Variants in TRIM37 observed in about 807,000 individuals in gnomAD.
The protein encoded by TRIM37 is E3 ubiquitin-protein ligase TRIM37.
A neutral mutation model predicts 129.8 loss-of-function variants in TRIM37; 80 were observed. The ratio of observed to expected loss-of-function variants is 0.62; its 90% CI spans 0.51 to 0.74. TRIM37 has a LOEUF of 0.74. Among genes scored for constraint, TRIM37 ranks in the 30% least tolerant of loss-of-function variants. The pLI, the probability that TRIM37 is intolerant of heterozygous loss-of-function variation, is 0.00. For synonymous variants in TRIM37, 389 were observed against 387.1 expected (o/e 1.00, Z -0.06); for missense variants, 1,054 against 1,176.5 (o/e 0.90, Z 1.52).
In TRIM37 at chr17:59,051,341, G is replaced by A; in HGVS notation, c.1200-13C>T. The A allele has an allele frequency of 6.4e-7, 1 of 1,563,522 alleles. No homozygotes were observed. Among genetic ancestry groups the A allele is most frequent in the Non-Finnish European group, 8.8e-7 (1 of 1,134,354 alleles). ...ACGTACCTGAAACCTTAAAAGAATT[G>A]TGCCACATTAAAAAAAAAATTCAAA... On this transcript the variant is annotated splice_polypyrimidine_tract_variant and intron_variant, in intron 13 of 23. Coordinates refer to ENST00000262294, the MANE Select transcript of TRIM37 (RefSeq NM_015294.6).
chr17:58,967,415 C>A, the TRIM37 span, among the ~76,000 whole-genome samples: 1 of 150,950 alleles, frequency 6.6e-6, no homozygotes, highest in Non-Finnish European at 1.5e-5. Context: ...AATCTTAGTG[C>A]GATGAGGAAA....
chr17:59,035,451 C>T (rs1599039902), intron 17 of TRIM37, among the ~76,000 whole-genome samples: 1 of 151,934 alleles, frequency 6.6e-6, no homozygotes, highest in Admixed American at 6.6e-5. Context: ...TAGCTTTTGG[C>T]TATTAAGAAT....
chr17:59,015,290 A>T (rs1335436523), intron 21 of TRIM37, among the ~76,000 whole-genome samples: 2 of 144,616 alleles, frequency 1.4e-5, no homozygotes, highest in African/African-American at 5.1e-5. Flanking sequence ...AAATACAAAA[A>T]TTAGCAGGGT....
At position 59,049,208 on chromosome 17, in the gene TRIM37, A is replaced by G. The variant is rs746551291; in HGVS notation, c.1500T>C (p.Asp500=). The G allele has an allele frequency of 1.2e-6, 2 of 1,614,042 alleles. No individual in the cohort carries two copies. The stretch of plus-strand genomic sequence containing the variant: ...AATCTTCATTCTGAATCTTCTCCTC[A>G]TCTTCTTCATCCTCTTTGGCCTCTC... The part of the protein sequence containing the change: ...SVREAKEDEE[D]EEKIQNEDYH... The change falls in exon 15 of 24, where the codon GAT becomes GAC. Residue 500 remains aspartate, a synonymous_variant. Coordinates refer to ENST00000262294, the MANE Select transcript of TRIM37 (RefSeq NM_015294.6).
intron 22 of TRIM37, among the ~76,000 whole-genome samples, chr17:59,009,538 C>T (rs1177500488): frequency 1.1e-4 from 16 of 150,438 alleles, no homozygotes; most frequent in African/African-American, 3.2e-4. Context: ...CTCCGCCTCC[C>T]GGGTTCAAGC....
Position 58,998,546 on chromosome 17 carries a change from G to C in TRIM37, c.*831C>G, listed in dbSNP as rs1425372982. The C allele has an allele frequency of 1.0e-6, 1 of 985,188 alleles. No homozygotes were observed. Among genetic ancestry groups the C allele is most frequent in the Non-Finnish European group, 1.2e-6 (1 of 829,880 alleles). 61.0% of individuals were successfully genotyped at this position (985,188 alleles called of 1,614,324 possible). A position where few individuals can be genotyped will look rare whatever the true frequency, so the allele number is the denominator to read the frequency against. ...ATGTAAGCCACTGTGCAACATGAAT[G>C]AATCTTTAAATGTGTTGACACTGAA... On this transcript the variant is annotated 3_prime_UTR_variant, in exon 24 of 24. Coordinates refer to ENST00000262294, the MANE Select transcript of TRIM37 (RefSeq NM_015294.6).
chr17:59,042,374 CAAA>C (rs1409397122), intron 16 of TRIM37, among the ~76,000 whole-genome samples: 1 of 49,922 alleles, frequency 2.0e-5, no homozygotes, highest in African/African-American at 7.6e-5. Flanking sequence ...GACTCCATCT[CAAA>C]AAAAAAAAAA....
Position 59,026,820 on chromosome 17 carries a change from C to CA in TRIM37, c.2257+1594dup, listed in dbSNP as rs1221050886. Among the ~76,000 whole-genome samples, 3 of 152,242 alleles carry CA rather than the reference C, an allele frequency of 2.0e-5. No individual in the cohort carries two copies. The South Asian group carries it at 6.2e-4, about 31-fold the overall frequency. ...AAGGCCACTTGGCCTCTTGCCTTGA[C>CA]ACTTCTCAGTGATACTTAACACACT... On this transcript the variant is annotated intron_variant, in intron 19 of 23. Transcript: ENST00000262294.
intron 1 of TRIM37, 134 bp downstream of exon 1, chr17:59,106,307 G>T: frequency 9.5e-7 from 1 of 1,053,836 alleles, no homozygotes; most frequent in Non-Finnish European, 1.4e-6. Flanking sequence ...TTGGTACCGG[G>T]CCAGCCCTCT....
intron 14 of TRIM37, 69 bp downstream of exon 14, chr17:59,051,144 AT>A: frequency 1.0e-6 from 1 of 956,284 alleles, no homozygotes; most frequent in East Asian, 2.6e-5. Flanking sequence ...AATATATAAA[AT>A]CTAATTACAA....
At chr17:59,050,550 C>T (rs1039573379) in intron 14 of TRIM37, among the ~76,000 whole-genome samples, 13 of 151,982 alleles carry the variant, frequency 8.6e-5, no homozygotes, top group African/African-American at 2.7e-4. Context: ...CTAGCCATGA[C>T]ACATGCTCGT....
At chr17:59,005,607 C>A (rs2034380193) in intron 22 of TRIM37, among the ~76,000 whole-genome samples, 2 of 152,132 alleles carry the variant, frequency 1.3e-5, no homozygotes, top group South Asian at 4.1e-4. Context: ...TAAAACAAAT[C>A]ATTTAATTAG....
exon 25 of TRIM37, chr17:58,982,743 CT>C (rs1206706742): frequency 1.7e-5 from 9 of 535,098 alleles, no homozygotes; most frequent in Non-Finnish European, 3.0e-5. Context: ...GTCATTTCTT[CT>C]TCTCACGTCT....
chr17:59,057,815 C>T (rs778291902), intron 12 of TRIM37, among the ~76,000 whole-genome samples: 2 of 152,074 alleles, frequency 1.3e-5, no homozygotes, highest in Non-Finnish European at 2.9e-5. Flanking sequence ...TGAGCCACTG[C>T]GCCCAGCCAA....
intron 9 of TRIM37, among the ~76,000 whole-genome samples, chr17:59,068,290 T>C (rs1193934211): frequency 6.6e-6 from 1 of 152,180 alleles, no homozygotes; most frequent in East Asian, 1.9e-4. Flanking sequence ...TTTAGTGCAG[T>C]ATTATTACTT....
intron 1 of TRIM37, among the ~76,000 whole-genome samples, chr17:59,105,361 G>A (rs1314458528): frequency 6.6e-6 from 1 of 152,140 alleles, no homozygotes; most frequent in Admixed American, 6.5e-5. Context: ...AATTGAAAAT[G>A]TTGACGGTAG....
chr17:59,025,805 TC>T (rs1169064538), intron 19 of TRIM37, among the ~76,000 whole-genome samples: 3 of 152,170 alleles, frequency 2.0e-5, no homozygotes. Context: ...TTTGAGAAAG[TC>T]CACCCAAAAA....
intron 24 of TRIM37, chr17:58,983,530 A>G (rs1164895040): frequency 6.6e-6 from 1 of 152,654 alleles, no homozygotes; most frequent in Non-Finnish European, 1.5e-5. Flanking sequence ...GACGTAAGCA[A>G]TAAGTAACCC....
chr17:59,100,734 T>C (rs1263330469), intron 2 of TRIM37, among the ~76,000 whole-genome samples: 1 of 152,092 alleles, frequency 6.6e-6, no homozygotes. Flanking sequence ...GTCAAAACTG[T>C]ACACTTGGCC....
Sources: allele counts gnomAD v4.1 joint callset (sites outside exome capture counted in the v4.1 genomes callset), GRCh38; gene constraint gnomAD v4.1.1; transcripts MANE v1.5; gene names NCBI Gene and HGNC (gene_info 2026-07-23, HGNC 2026-07-21).